PALLD: variants seen among roughly 807,000 people sequenced by gnomAD.
PALLD encodes palladin, cytoskeletal associated protein.
PALLD carries 61 observed loss-of-function variants against 123.5 expected under a neutral mutation model. That is an observed-to-expected ratio of 0.49 (90% CI 0.40 to 0.61). The LOEUF (loss-of-function observed/expected upper bound fraction) is 0.61. Ranked by LOEUF, PALLD falls within the 20% of genes least tolerant of loss-of-function variation. PALLD has a pLI of 0.00. For missense variants in PALLD, 1,273 were observed against 1,377.0 expected, an observed-to-expected ratio of 0.92 and a Z score of 1.20; for synonymous variants, 465 against 496.4, an observed-to-expected ratio of 0.94 and a Z score of 0.84.
At position 168,509,746 on chromosome 4, in the gene PALLD, T is replaced by C. The variant is rs573952066; in HGVS notation, c.-82-1677T>C. On this transcript the variant is annotated intron_variant, in intron 1 of 21. Coordinates refer to ENST00000505667, the MANE Select transcript of PALLD (RefSeq NM_001166108.2). ...AATTCAGGCACAAAAAAAGTAACTA[T>C]CTTTCTAAGAAGACATGTAAGACAA... Among the ~76,000 whole-genome samples the C allele has an allele frequency of 1.1e-4, 17 of 152,314 alleles. No homozygotes were observed. In the South Asian group the frequency reaches 3.3e-3, roughly 30 times the overall value.
At chr4:168,793,978 T>A (rs1005534710) in intron 10 of PALLD, among the ~76,000 whole-genome samples, 1 of 152,186 alleles carries the variant, frequency 6.6e-6, no homozygotes, top group African/African-American at 2.4e-5. Context: ...GCCTAGGGTA[T>A]CCACCGGGGA....
At position 168,911,457 on chromosome 4, in the gene PALLD, C is replaced by T. The variant is rs193203535; in HGVS notation, c.2623-2470C>T. Among the ~76,000 whole-genome samples, 71 of 152,280 alleles carry T rather than the reference C, an allele frequency of 4.7e-4. 1 individual carries two copies. In the East Asian group the frequency reaches 9.3e-3, roughly 20 times the overall value. ...AAAGCACATAATAAGGAAGCCATATCCCACATCAGGACAATTGGAAGCTAT... is the reference window on the plus strand; with the variant it reads ...AAAGCACATAATAAGGAAGCCATATTCCACATCAGGACAATTGGAAGCTAT... On this transcript the variant is annotated intron_variant, in intron 15 of 21. Coordinates refer to ENST00000505667, the MANE Select transcript of PALLD (RefSeq NM_001166108.2).
chr4:168,724,442 A>T (rs1314015134), intron 10 of PALLD, among the ~76,000 whole-genome samples: 1 of 152,200 alleles, frequency 6.6e-6, no homozygotes, highest in Non-Finnish European at 1.5e-5. Flanking sequence ...GAAACCAGAG[A>T]GTTCATTTTC....
chr4:168,577,069 C>T (rs758687011), intron 2 of PALLD, among the ~76,000 whole-genome samples: 11 of 151,948 alleles, frequency 7.2e-5, no homozygotes, highest in South Asian at 2.1e-4. Flanking sequence ...TTCATGAATC[C>T]GGCAGGCTCG....
At chr4:168,813,886 G>A (rs10013924) in intron 10 of PALLD, among the ~76,000 whole-genome samples, 96,285 of 151,988 alleles carry the variant, frequency 0.63, 30,989 homozygotes, top group Non-Finnish European at 0.71. Context: ...TGTGCATAAG[G>A]AACCTTCTCC....
chr4:168,918,897 G>A (rs1295190082), intron 17 of PALLD, among the ~76,000 whole-genome samples: 1 of 152,034 alleles, frequency 6.6e-6, no homozygotes, highest in Non-Finnish European at 1.5e-5. Flanking sequence ...TTATACCAAA[G>A]AATTATTAAT....
At chr4:168,807,822 C>A (rs1740453762) in intron 10 of PALLD, among the ~76,000 whole-genome samples, 1 of 152,238 alleles carries the variant, frequency 6.6e-6, no homozygotes, top group East Asian at 1.9e-4. Context: ...TCTCCTGCCT[C>A]AGCCTCCAGA....
intron 2 of PALLD, among the ~76,000 whole-genome samples, chr4:168,547,361 G>A (rs1321651574): frequency 6.6e-6 from 1 of 151,782 alleles, no homozygotes; most frequent in Non-Finnish European, 1.5e-5. Flanking sequence ...TTGTGTGTGT[G>A]TGTGGCCAGC....
At chr4:168,755,882 C>T (rs1055974063) in intron 10 of PALLD, 2 of 177,748 alleles carry the variant, frequency 1.1e-5, no homozygotes, top group Non-Finnish European at 2.3e-5. Context: ...TCTGAAGGGG[C>T]ACAGTTCTTG....
chr4:168,694,121 T>A (rs1205054133), intron 8 of PALLD, among the ~76,000 whole-genome samples: 2 of 152,216 alleles, frequency 1.3e-5, no homozygotes, highest in Non-Finnish European at 2.9e-5. Context: ...TTACCTTCTT[T>A]AAATGACCTG....
intron 2 of PALLD, among the ~76,000 whole-genome samples, chr4:168,582,388 A>G (rs533210802): frequency 5.8e-4 from 88 of 152,186 alleles, no homozygotes; most frequent in Admixed American, 2.2e-3. Flanking sequence ...CTTTCTATAT[A>G]AAAGATCAGA....
chr4:168,631,879 G>T (rs1775851353), intron 2 of PALLD: 1 of 985,398 alleles, frequency 1.0e-6, no homozygotes, highest in African/African-American at 1.7e-5. Context: ...AGTGGGGGCA[G>T]ACGGCGTTTT....
In PALLD at chr4:168,559,851, C is replaced by T. The variant is rs1273408598; in HGVS notation, c.908+47439C>T. On this transcript the variant is annotated intron_variant, in intron 2 of 21. Transcript: ENST00000505667. ...AGTGAGCTGTGATCACACCACTGCA[C>T]TCTAGCCTGGGCAACAGAGTGAAAC... Among the ~76,000 whole-genome samples the T allele has an allele frequency of 2.0e-5, 3 of 151,684 alleles. No individual in the cohort carries two copies. The East Asian group carries it at 5.8e-4, about 29-fold the overall frequency.
chr4:168,921,809 C>A, intron 18 of PALLD, 68 bp downstream of exon 18: 1 of 1,189,188 alleles, frequency 8.4e-7, no homozygotes, highest in Non-Finnish European at 1.3e-6. Flanking sequence ...TAAACTAATT[C>A]TACATTACTA....
Position 168,812,110 on chromosome 4 carries a change from T to C in PALLD, c.1965-78812T>C, listed in dbSNP as rs144692457. Among the ~76,000 whole-genome samples the C allele has an allele frequency of 2.2e-3, 336 of 152,316 alleles. 1 individual carries two copies. The highest frequency in any genetic ancestry group is 0.01 in the Middle Eastern group (3 of 294). On this transcript the variant is annotated intron_variant, in intron 10 of 21. Transcript: ENST00000505667. ...GAACATGAGGTGAGAGTGGTTATGATGACTGATGAGAAACATATTAATAAA... is the reference window on the plus strand; with the variant it reads ...GAACATGAGGTGAGAGTGGTTATGACGACTGATGAGAAACATATTAATAAA...
At chr4:168,772,454 A>G (rs1270643990) in intron 10 of PALLD, among the ~76,000 whole-genome samples, 1 of 152,240 alleles carries the variant, frequency 6.6e-6, no homozygotes, top group Non-Finnish European at 1.5e-5. Flanking sequence ...CAAAAAAAGC[A>G]CAAACAGCCC....
intron 2 of PALLD, among the ~76,000 whole-genome samples, chr4:168,545,312 A>G (rs1449882038): frequency 6.6e-6 from 1 of 152,068 alleles, no homozygotes; most frequent in Non-Finnish European, 1.5e-5. Flanking sequence ...GGATTACCTG[A>G]GGTCAGGAGT....
At chr4:168,900,393 A>G (rs993401191) in intron 14 of PALLD, among the ~76,000 whole-genome samples, 21 of 152,350 alleles carry the variant, frequency 1.4e-4, no homozygotes, top group Non-Finnish European at 2.4e-4. Flanking sequence ...AAAGATTGAA[A>G]CAATTTTAAA....
intron 10 of PALLD, among the ~76,000 whole-genome samples, chr4:168,819,284 A>T (rs542248986): frequency 6.6e-6 from 1 of 152,116 alleles, no homozygotes; most frequent in African/African-American, 2.4e-5. Flanking sequence ...TGTGAGAAAA[A>T]CAATCACCCA....
Sources: gnomAD v4.1 joint callset for allele counts (sites outside exome capture counted in the v4.1 genomes callset) on GRCh38, gnomAD v4.1.1 for gene constraint, MANE v1.5 for transcripts, NCBI Gene and HGNC (gene_info 2026-07-23, HGNC 2026-07-21) for gene names.